CCSER1: variants seen among roughly 807,000 people sequenced by gnomAD.
CCSER1 encodes the protein serine-rich coiled-coil domain-containing protein 1.
Under a neutral mutation model 82.0 loss-of-function variants are expected in CCSER1, and 41 were observed. That is an observed-to-expected ratio of 0.50 (90% CI 0.39 to 0.65). The LOEUF is 0.65. Ranked by LOEUF, CCSER1 falls within the 30% of genes least tolerant of loss-of-function variation. CCSER1 has a pLI of 0.00. For missense variants in CCSER1, 1,119 were observed against 1,064.2 expected (o/e 1.05, Z -0.72); for synonymous variants, 414 against 383.9 (o/e 1.08, Z -0.92).
At chr4:90,648,377 G>A (rs1047788602) in intron 6 of CCSER1, among the ~76,000 whole-genome samples, 6 of 151,754 alleles carry the variant, frequency 4.0e-5, no homozygotes, top group African/African-American at 1.2e-4. Flanking sequence ...ACAAGTTCCT[G>A]GTATTCAAAA....
At chr4:90,608,169 C>G (rs1380707101) in intron 5 of CCSER1, among the ~76,000 whole-genome samples, 1 of 152,126 alleles carries the variant, frequency 6.6e-6, no homozygotes, top group African/African-American at 2.4e-5. Context: ...TTTACACTTT[C>G]TGTGGATAAG....
intron 10 of CCSER1, among the ~76,000 whole-genome samples, chr4:91,571,459 T>G (rs1763179123): frequency 6.6e-6 from 1 of 152,160 alleles, no homozygotes; most frequent in Non-Finnish European, 1.5e-5. Context: ...GACTTACAGT[T>G]TTACATGGCT....
At chr4:91,530,736 A>G (rs1037437463) in intron 10 of CCSER1, among the ~76,000 whole-genome samples, 3 of 150,392 alleles carry the variant, frequency 2.0e-5, no homozygotes, top group Admixed American at 6.7e-5. Flanking sequence ...CAGGGCGGAC[A>G]GAGTGCACTG....
chr4:91,270,508 T>C (rs1741940094), intron 10 of CCSER1, among the ~76,000 whole-genome samples: 1 of 152,190 alleles, frequency 6.6e-6, no homozygotes, highest in African/African-American at 2.4e-5. Context: ...TTTACATTCA[T>C]TCTCTGTGAC....
intron 9 of CCSER1, among the ~76,000 whole-genome samples, chr4:90,965,027 C>T (rs1734425852): frequency 6.6e-6 from 1 of 152,070 alleles, no homozygotes; most frequent in East Asian, 1.9e-4. Flanking sequence ...CCAAAAGCCT[C>T]ATTCCCAGAG....
At chr4:91,568,920 G>T (rs1164729974) in intron 10 of CCSER1, among the ~76,000 whole-genome samples, 1 of 152,082 alleles carries the variant, frequency 6.6e-6, no homozygotes, top group Non-Finnish European at 1.5e-5. Flanking sequence ...TGACACCCTG[G>T]CCATTTGAGT....
At chr4:90,795,223 G>A (rs1755822856) in intron 7 of CCSER1, among the ~76,000 whole-genome samples, 1 of 150,846 alleles carries the variant, frequency 6.6e-6, no homozygotes, top group Non-Finnish European at 1.5e-5. Flanking sequence ...GAAAGCAGAG[G>A]TTGCAGTGAG....
intron 9 of CCSER1, among the ~76,000 whole-genome samples, chr4:91,042,603 T>A (rs1446010826): frequency 6.6e-6 from 1 of 152,204 alleles, no homozygotes; most frequent in Non-Finnish European, 1.5e-5. Flanking sequence ...TAATCTTCCA[T>A]CTAAAATCTG....
At chr4:90,557,785 G>A (rs1778306517) in intron 5 of CCSER1, among the ~76,000 whole-genome samples, 1 of 152,044 alleles carries the variant, frequency 6.6e-6, no homozygotes, top group Non-Finnish European at 1.5e-5. Context: ...TTGTTAACAT[G>A]ATATCACTTG....
intron 6 of CCSER1, among the ~76,000 whole-genome samples, chr4:90,644,820 A>T (rs545228817): frequency 3.6e-4 from 55 of 152,018 alleles, no homozygotes; most frequent in African/African-American, 1.3e-3. Context: ...GGTGGCTCAC[A>T]CCTATAATCC....
At position 90,407,821 on chromosome 4, in the gene CCSER1, C is replaced by T. The variant is rs183483127; in HGVS notation, c.1603+7692C>T. ...TGGGTGTGGCGCACCCTACATGAGC[C>T]GAAGCAGGGTGAGGCATTACCTCAC... On this transcript the variant is annotated intron_variant, in intron 4 of 10. Coordinates refer to ENST00000509176, the MANE Select transcript of CCSER1 (RefSeq NM_001145065.2). 7.0e-4 allele frequency among the ~76,000 whole-genome samples: 106 copies of T among 152,160 alleles called. No homozygotes were observed. The East Asian group carries it at 0.017, about 24-fold the overall frequency.
At chr4:90,918,806 A>G (rs1727929508) in intron 8 of CCSER1, among the ~76,000 whole-genome samples, 2 of 151,812 alleles carry the variant, frequency 1.3e-5, no homozygotes, top group East Asian at 1.9e-4. Flanking sequence ...TCACATATCA[A>G]ATGAATGATT....
chr4:91,235,405 C>T (rs966739974), intron 10 of CCSER1, among the ~76,000 whole-genome samples: 1 of 151,972 alleles, frequency 6.6e-6, no homozygotes, highest in Non-Finnish European at 1.5e-5. Context: ...AATAGAAAAC[C>T]TTCAATTTAT....
chr4:90,317,631 TAAATA>T (rs957107676), intron 3 of CCSER1, among the ~76,000 whole-genome samples: 5 of 151,950 alleles, frequency 3.3e-5, no homozygotes, highest in African/African-American at 7.3e-5. Flanking sequence ...CAAAAATAAA[TAAATA>T]AAATAAAATA....
intron 10 of CCSER1, among the ~76,000 whole-genome samples, chr4:91,540,857 T>C (rs1352113665): frequency 9.9e-5 from 15 of 152,180 alleles, no homozygotes; most frequent in Admixed American, 9.8e-4. Context: ...GTTGATTATA[T>C]TTAAGTGGAT....
At chr4:90,133,154 A>G (rs1417575694) in intron 1 of CCSER1, among the ~76,000 whole-genome samples, 2 of 152,218 alleles carry the variant, frequency 1.3e-5, no homozygotes, top group Admixed American at 1.3e-4. Context: ...TGTTTTATAA[A>G]TAAATACTTC....
intron 10 of CCSER1, among the ~76,000 whole-genome samples, chr4:91,392,397 A>G (rs989581963): frequency 6.6e-6 from 1 of 152,086 alleles, no homozygotes; most frequent in Non-Finnish European, 1.5e-5. Context: ...ACACTTACAC[A>G]TTATAGAAAT....
chr4:91,405,560 C>T (rs562813531), intron 10 of CCSER1, among the ~76,000 whole-genome samples: 1 of 152,212 alleles, frequency 6.6e-6, no homozygotes, highest in African/African-American at 2.4e-5. Context: ...AATCTACCTA[C>T]TGAAGCCTCA....
At chr4:90,527,297 C>T (rs868005276) in intron 5 of CCSER1, among the ~76,000 whole-genome samples, 5 of 152,088 alleles carry the variant, frequency 3.3e-5, no homozygotes, top group South Asian at 2.1e-4. Flanking sequence ...TATGAACAGA[C>T]GCTTCTCAAA....
Sources: allele counts gnomAD v4.1 joint callset (sites outside exome capture counted in the v4.1 genomes callset), GRCh38; gene constraint gnomAD v4.1.1; transcripts MANE v1.5; gene names NCBI Gene and HGNC (gene_info 2026-07-23, HGNC 2026-07-21).